The following CCAR2 variants were observed in gnomAD, a reference collection of about 807,000 sequenced individuals.
CCAR2 encodes cell cycle and apoptosis regulator 2.
CCAR2 carries 21 observed loss-of-function variants against 108.1 expected under a neutral mutation model. That is an observed-to-expected ratio of 0.19 (90% CI 0.14 to 0.28). The LOEUF (loss-of-function observed/expected upper bound fraction) is 0.28. CCAR2 is among the 10% of genes least tolerant of loss of function. CCAR2 has a pLI of 1.00. For synonymous variants in CCAR2, 577 were observed against 472.8 expected, an observed-to-expected ratio of 1.22 and a Z score of -2.86; for missense variants, 1,126 against 1,177.0, an observed-to-expected ratio of 0.96 and a Z score of 0.63.
intron 1 of CCAR2, 65 bp from the exon 2 acceptor site, chr8:22,605,671 A>G (rs1801044650): frequency 4.2e-6 from 4 of 956,538 alleles, no homozygotes; most frequent in South Asian, 2.9e-5. Flanking sequence ...AAGATTCTCC[A>G]CTTTTCCGGG....
At chr8:22,609,906 C>T (rs1801213085) in intron 7 of CCAR2, among the ~76,000 whole-genome samples, 1 of 152,186 alleles carries the variant, frequency 6.6e-6, no homozygotes, top group African/African-American at 2.4e-5. Context: ...GGTTGAGCAT[C>T]CTAAATCCTT....
chr8:22,610,078 G>C (rs1298139102), intron 7 of CCAR2, among the ~76,000 whole-genome samples: 1 of 152,098 alleles, frequency 6.6e-6, no homozygotes, highest in Non-Finnish European at 1.5e-5. Flanking sequence ...CCAAACCCAG[G>C]ATGCTTCTGG....
In CCAR2 at chr8:22,619,889, TTAACAAC is replaced by T. The variant is rs1377006033; in HGVS notation, c.*211_*217del. The T allele has an allele frequency of 5.1e-6, 3 of 592,506 alleles. No individual in the cohort carries two copies. In the Admixed American group the frequency reaches 8.8e-5, roughly 17 times the overall value. 36.7% of individuals were successfully genotyped at this position (592,506 alleles called of 1,614,324 possible). On this transcript the variant is annotated 3_prime_UTR_variant, in exon 21 of 21. Transcript: ENST00000308511. ...GATGTGTGAGGAACCCCGGTTCCAC[TTAACAAC>T]TAAATACAACATCTTTTGCACCCCT...
intron 7 of CCAR2, among the ~76,000 whole-genome samples, chr8:22,611,584 CTT>C (rs938504668): frequency 1.6e-4 from 24 of 152,128 alleles, no homozygotes; most frequent in African/African-American, 5.1e-4. Context: ...TCTTGCCACT[CTT>C]TTCTCCTGTG....
At chr8:22,618,273 G>T in intron 16 of CCAR2, 76 bp from the exon 17 acceptor site, 1 of 1,589,512 alleles carries the variant, frequency 6.3e-7, no homozygotes, top group South Asian at 1.1e-5. Flanking sequence ...CTGGATTCTG[G>T]ACAGGCTGAA....
intron 19 of CCAR2, 27 bp from the exon 20 acceptor site, chr8:22,619,123 G>A (rs200285006): frequency 4.0e-5 from 64 of 1,602,620 alleles, no homozygotes; most frequent in African/African-American, 1.2e-4. Context: ...TGGAGCAGCC[G>A]TCCCCGTTTC....
Position 22,619,823 on chromosome 8 carries a change from G to C in CCAR2, c.*141G>C. The C allele has an allele frequency of 1.2e-6, 1 of 849,334 alleles. No homozygotes were observed. Among genetic ancestry groups the C allele is most frequent in the Admixed American group, 2.1e-5 (1 of 47,142 alleles). 52.6% of individuals were successfully genotyped at this position (849,334 alleles called of 1,614,324 possible). On this transcript the variant is annotated 3_prime_UTR_variant, in exon 21 of 21. Coordinates refer to ENST00000308511, the MANE Select transcript of CCAR2 (RefSeq NM_001393997.1). ...CTGACCCCATGCTCAGCCTCTAGGG[G>C]ACGGCAGGCCATCAGGCTGGGGGCT...
At chr8:22,621,138 C>A, downstream of CCAR2, 1 of 385,846 alleles carries the variant, frequency 2.6e-6, no homozygotes, top group South Asian at 3.8e-5. Context: ...AGGGCTGCAG[C>A]TTGCTCAGGC....
At chr8:22,621,295 C>G (rs1296117979), downstream of CCAR2, 11 of 1,301,982 alleles carry the variant, frequency 8.4e-6, no homozygotes, top group Non-Finnish European at 1.1e-5. Flanking sequence ...TCATTCATTG[C>G]AAAGGGCCGG....
In CCAR2 at chr8:22,607,339, G is replaced by T. The variant is rs533925932; in HGVS notation, c.487+14G>T. On this transcript the variant is annotated intron_variant, in intron 6 of 20. Transcript: ENST00000308511. ...TTCCTCAGAAGCGTGAGTACGAGTG[G>T]CACTGTTGTTGGGTGTGGCATTATG... The T allele has an allele frequency of 1.4e-5, 23 of 1,608,256 alleles. No individual in the cohort carries two copies. Among genetic ancestry groups the T allele is most frequent in the Admixed American group, 3.3e-5 (2 of 59,984 alleles).
chr8:22,615,761 A>C lies in CCAR2; in HGVS notation c.1457A>C (p.Glu486Ala). The C allele has an allele frequency of 6.2e-7, 1 of 1,613,892 alleles. No homozygotes were observed. The highest frequency in any genetic ancestry group is 8.5e-7 in the Non-Finnish European group (1 of 1,180,006). ...DTSRRNAETP[E>A]ATTQQETDTD... is the part of the protein sequence containing the mutation. ...TCTAGACGGAACGCAGAAACTCCAGAGGCCACCACACAGCAGGAAACGGAC... is the reference window on the plus strand; with the variant it reads ...TCTAGACGGAACGCAGAAACTCCAGCGGCCACCACACAGCAGGAAACGGAC... The change falls in exon 13 of 21, where the codon GAG becomes GCG. Residue 486 changes from glutamate (E) to alanine (A), a missense_variant. Glu to Ala is a moderately radical substitution (Grantham distance 107). Around this residue, in one of 4 missense-constraint regions of CCAR2, gnomAD observed 1,013 missense variants for 993.9 expected, o/e 1.02. Transcript: ENST00000308511.
intron 10 of CCAR2, 88 bp from the exon 11 acceptor site, chr8:22,614,750 T>C: frequency 6.4e-7 from 1 of 1,572,026 alleles, no homozygotes; most frequent in Non-Finnish European, 8.7e-7. Context: ...TCCGGCTGCC[T>C]TCATCCTGAT....
intron 7 of CCAR2, among the ~76,000 whole-genome samples, chr8:22,611,939 GTCTC>G (rs200538953): frequency 1.6e-5 from 2 of 128,874 alleles, no homozygotes; most frequent in East Asian, 2.1e-4. Flanking sequence ...ATTTGTAACT[GTCTC>G]TCTTTTTTTT....
intron 4 of CCAR2, 30 bp from the exon 5 acceptor site, chr8:22,606,880 G>T: frequency 6.2e-7 from 1 of 1,609,866 alleles, no homozygotes; most frequent in South Asian, 1.1e-5. Context: ...TCCCTCTTCT[G>T]ATGGGGCCTT....
intron 7 of CCAR2, among the ~76,000 whole-genome samples, chr8:22,611,591 C>T (rs1801285861): frequency 2.6e-5 from 4 of 151,988 alleles, no homozygotes; most frequent in Admixed American, 2.0e-4. Flanking sequence ...ACTCTTTTCT[C>T]CTGTGTTCTA....
chr8:22,621,206 C>G (rs1801792108), downstream of CCAR2: 1 of 615,234 alleles, frequency 1.6e-6, no homozygotes, highest in Non-Finnish European at 2.8e-6. Flanking sequence ...AAGGGTTTGT[C>G]TACACTGCTT....
intron 1 of CCAR2, 106 bp downstream of exon 1, chr8:22,604,948 A>G (rs907486276): frequency 2.9e-6 from 1 of 350,336 alleles, no homozygotes; most frequent in Non-Finnish European, 5.5e-6. Flanking sequence ...GGGGCGCGGA[A>G]GGGGCCGAGC....
At position 22,612,820 on chromosome 8, in the gene CCAR2, AACAGG is replaced by A. The variant is rs552392661; in HGVS notation, c.585-195_585-191del. Reference sequence around the variant, plus strand: ...ATGTTGCAGAGTGTGCTTTTTGCTTAACAGGAATGTTTATTAAAACAGTAAATATC... The same window carrying A: ...ATGTTGCAGAGTGTGCTTTTTGCTTAAATGTTTATTAAAACAGTAAATATC... On this transcript the variant is annotated intron_variant, in intron 7 of 20. Transcript: ENST00000308511. 2.3e-3 allele frequency: 1,374 copies of A among 588,012 alleles called. 3 individuals are homozygous for A. Among genetic ancestry groups the A allele is most frequent in the Non-Finnish European group, 3.2e-3 (1,157 of 363,818 alleles). The allele number at this position is 588,012 out of a possible 1,614,324, so 36.4% of individuals were successfully genotyped here. A position where few individuals can be genotyped will look rare whatever the true frequency, so the allele number is the denominator to read the frequency against.
chr8:22,611,755 T>C (rs1211043604), intron 7 of CCAR2, among the ~76,000 whole-genome samples: 1 of 152,210 alleles, frequency 6.6e-6, no homozygotes, highest in Non-Finnish European at 1.5e-5. Context: ...AATTTGGGTA[T>C]TGCTGAGTAT....
Sources: gnomAD v4.1 joint callset for allele counts (sites outside exome capture counted in the v4.1 genomes callset) on GRCh38, gnomAD v4.1.1 for gene constraint, gnomAD v4.1.1 regional missense constraint, MANE v1.5 for transcripts, NCBI Gene and HGNC (gene_info 2026-07-23, HGNC 2026-07-21) for gene names.